Variants in FRK observed in about 807,000 individuals in gnomAD.
FRK encodes the protein tyrosine-protein kinase FRK.
A neutral mutation model predicts 56.4 loss-of-function variants in FRK; 51 were observed. The observed-to-expected ratio is 0.90, with a 90% confidence interval of 0.72 to 1.14. The LOEUF (loss-of-function observed/expected upper bound fraction) is 1.14, where lower values mean the gene tolerates loss of function less well. FRK is among the 50% of genes most tolerant of loss of function. The pLI is 0.00. For synonymous variants in FRK, 245 were observed against 217.9 expected, an observed-to-expected ratio of 1.12 and a Z score of -1.10; for missense variants, 570 against 601.4, an observed-to-expected ratio of 0.95 and a Z score of 0.55.
chr6:115,945,440 G>C (rs1049202199), intron 5 of FRK, among the ~76,000 whole-genome samples: 4 of 152,038 alleles, frequency 2.6e-5, no homozygotes, highest in Non-Finnish European at 5.9e-5. Context: ...TTGTGGTTTT[G>C]ATTTGCATTT....
chr6:116,046,849 G>T (rs1461167996), intron 1 of FRK, among the ~76,000 whole-genome samples: 2 of 151,726 alleles, frequency 1.3e-5, no homozygotes, highest in African/African-American at 4.8e-5. Context: ...TTTTAAAATA[G>T]TACTACTAGT....
chr6:116,054,098 A>G (rs1330031592), intron 1 of FRK, among the ~76,000 whole-genome samples: 1 of 151,768 alleles, frequency 6.6e-6, no homozygotes, highest in Non-Finnish European at 1.5e-5. Flanking sequence ...AAAATTTATT[A>G]TATAACAAAT....
chr6:116,046,359 C>T (rs373235621), intron 1 of FRK, among the ~76,000 whole-genome samples: 16 of 152,128 alleles, frequency 1.1e-4, no homozygotes, highest in East Asian at 3.9e-4. Flanking sequence ...CTGTTCACAA[C>T]AGCAAAGACT....
intron 2 of FRK, among the ~76,000 whole-genome samples, chr6:115,977,237 C>T (rs1004069444): frequency 1.3e-5 from 2 of 152,144 alleles, no homozygotes; most frequent in African/African-American, 4.8e-5. Flanking sequence ...TTCTCTTCTA[C>T]AGCAAATAGA....
chr6:115,972,883 C>T (rs1020984202), intron 2 of FRK, among the ~76,000 whole-genome samples: 1 of 152,110 alleles, frequency 6.6e-6, no homozygotes, highest in Non-Finnish European at 1.5e-5. Context: ...CAACTTGGGG[C>T]CTTGTGACTC....
chr6:116,065,584 C>A (rs1457738563), upstream of FRK, among the ~76,000 whole-genome samples: 1 of 152,164 alleles, frequency 6.6e-6, no homozygotes, highest in Non-Finnish European at 1.5e-5. Context: ...AATATGGGTT[C>A]TTGTCTATCT....
chr6:116,046,770 T>C (rs918038335), intron 1 of FRK, among the ~76,000 whole-genome samples: 4 of 151,644 alleles, frequency 2.6e-5, no homozygotes, highest in Admixed American at 1.3e-4. Flanking sequence ...TCCCAGAACT[T>C]AAAGTATAAT....
intron 2 of FRK, among the ~76,000 whole-genome samples, chr6:115,995,196 T>C (rs945299109): frequency 1.3e-5 from 2 of 152,178 alleles, no homozygotes; most frequent in Non-Finnish European, 2.9e-5. Flanking sequence ...ATAGAGCTAC[T>C]ATGATTCTGC....
At chr6:116,039,445 G>T in intron 1 of FRK, 1 of 1,571,654 alleles carries the variant, frequency 6.4e-7, no homozygotes, top group Non-Finnish European at 8.7e-7. Flanking sequence ...CCTCGTGGGT[G>T]ATGCTTCCCT....
At chr6:116,040,502 T>C (rs1562300025) in intron 1 of FRK, among the ~76,000 whole-genome samples, 1 of 152,144 alleles carries the variant, frequency 6.6e-6, no homozygotes. Flanking sequence ...GTGGGCTTTA[T>C]AAAAATAGAA....
the FRK span, among the ~76,000 whole-genome samples, chr6:116,099,448 G>A: frequency 1.3e-5 from 2 of 152,226 alleles, no homozygotes; most frequent in East Asian, 3.8e-4. Context: ...AGAATGCCAA[G>A]GTCAATGCTC....
At chr6:115,996,737 A>C (rs1468750596) in intron 2 of FRK, among the ~76,000 whole-genome samples, 2 of 152,182 alleles carry the variant, frequency 1.3e-5, no homozygotes, top group African/African-American at 4.8e-5. Context: ...GATAGAGAAG[A>C]AGCATGAAAT....
At chr6:115,967,504 G>A (rs1215410578) in intron 4 of FRK, 47 bp downstream of exon 4, 1 of 1,559,622 alleles carries the variant, frequency 6.4e-7, no homozygotes, top group Non-Finnish European at 8.8e-7. Flanking sequence ...GTTAAATTGA[G>A]CTCATAAAAA....
At chr6:116,061,981 AAAAGAAAGAAAAG>A (rs1311738680), upstream of FRK, among the ~76,000 whole-genome samples, 1 of 151,916 alleles carries the variant, frequency 6.6e-6, no homozygotes, top group Non-Finnish European at 1.5e-5. Context: ...AAAAGAAAGA[AAAAGAAAGAAAAG>A]AAAGAAAGAA....
intron 2 of FRK, among the ~76,000 whole-genome samples, chr6:115,973,662 G>T (rs938893742): frequency 9.2e-5 from 14 of 152,124 alleles, no homozygotes; most frequent in African/African-American, 3.4e-4. Flanking sequence ...TTGAGGACAG[G>T]AGTTCAAGAC....
chr6:116,062,525 A>C (rs569831631), upstream of FRK, among the ~76,000 whole-genome samples: 9 of 152,242 alleles, frequency 5.9e-5, no homozygotes, highest in Non-Finnish European at 1.3e-4. Flanking sequence ...ATGTATTCAA[A>C]CCCAATTTGT....
chr6:115,944,100 T>C (rs1459071563), intron 6 of FRK, 144 bp downstream of exon 6: 7 of 571,952 alleles, frequency 1.2e-5, no homozygotes, highest in Non-Finnish European at 2.0e-5. Flanking sequence ...AGGTAGTTTG[T>C]AAGGCTTTGG....
the FRK span, among the ~76,000 whole-genome samples, chr6:116,070,134 T>TAA: frequency 1.4e-3 from 188 of 137,028 alleles, no homozygotes; most frequent in African/African-American, 2.3e-3. Context: ...GCCCATTATT[T>TAA]AAAAAAAAAA....
chr6:115,994,767 C>A (rs1426940705), intron 2 of FRK, among the ~76,000 whole-genome samples: 1 of 152,010 alleles, frequency 6.6e-6, no homozygotes, highest in Non-Finnish European at 1.5e-5. Flanking sequence ...GGGATTAATG[C>A]CCTTATAAGA....
Sources: allele counts gnomAD v4.1 joint callset (sites outside exome capture counted in the v4.1 genomes callset), GRCh38; gene constraint gnomAD v4.1.1; transcripts MANE v1.5; gene names NCBI Gene and HGNC (gene_info 2026-07-23, HGNC 2026-07-21).